The following CHFR variants were observed in gnomAD, a reference collection of about 807,000 sequenced individuals.
The protein encoded by CHFR is checkpoint with forkhead and ring finger domains.
Under a neutral mutation model 87.6 loss-of-function variants are expected in CHFR, and 57 were observed. The ratio of observed to expected loss-of-function variants is 0.65; its 90% CI spans 0.53 to 0.81. The LOEUF (loss-of-function observed/expected upper bound fraction) is 0.81, where lower values mean the gene tolerates loss of function less well. Ranked by LOEUF, CHFR falls within the 30% of genes least tolerant of loss-of-function variation. The probability of loss-of-function intolerance (pLI) is 0.00; values close to 1 mark genes in which losing one functional copy is unlikely to be tolerated. For missense variants in CHFR, 797 were observed against 865.8 expected, an observed-to-expected ratio of 0.92 and a Z score of 1.00; for synonymous variants, 381 against 359.2, an observed-to-expected ratio of 1.06 and a Z score of -0.69.
In CHFR at chr12:132,838,852, C is replaced by G. The variant is rs936955964; in HGVS notation, c.*2702G>C. The stretch of plus-strand genomic sequence containing the variant: ...ATAAAACACAGCTCCTTACCACACC[C>G]GAGGAGTAACTGCCCTGATCTCCCT... On this transcript the variant is annotated 3_prime_UTR_variant, in exon 18 of 18. Transcript: ENST00000450056. The G allele has an allele frequency of 2.6e-5, 4 of 152,380 alleles. No homozygotes were observed. Among genetic ancestry groups the G allele is most frequent in the Non-Finnish European group, 5.9e-5 (4 of 68,148 alleles). The allele number at this position is 152,380 out of a possible 1,614,324, so 9.4% of individuals were successfully genotyped here. A position where few individuals can be genotyped will look rare whatever the true frequency, so the allele number is the denominator to read the frequency against.
At chr12:132,844,451 A>G (rs560413643) in intron 15 of CHFR, among the ~76,000 whole-genome samples, 1 of 130,010 alleles carries the variant, frequency 7.7e-6, no homozygotes, top group Admixed American at 7.6e-5. Flanking sequence ...CACCGGGCTA[A>G]TTTTTTGTAT....
chr12:132,870,121 G>C (rs1455403682), intron 5 of CHFR, among the ~76,000 whole-genome samples: 4 of 152,092 alleles, frequency 2.6e-5, no homozygotes, highest in Non-Finnish European at 5.9e-5. Context: ...GGGAGGCTGA[G>C]GCGGGTAGAT....
At position 132,887,355 on chromosome 12, in the gene CHFR, G is replaced by A; in HGVS notation, c.-12-15C>T. 1 of 1,390,348 alleles carries A rather than the reference G, an allele frequency of 7.2e-7. No homozygotes were observed. Among genetic ancestry groups the A allele is most frequent in the Non-Finnish European group, 9.3e-7 (1 of 1,072,386 alleles). 86.1% of individuals were successfully genotyped at this position (1,390,348 alleles called of 1,614,324 possible). A position where few individuals can be genotyped will look rare whatever the true frequency, so the allele number is the denominator to read the frequency against. ...GGGATTCACATCTGCGGAGACCCCG[G>A]AAACGCCCATGGAGACTCCCGACCC... On this transcript the variant is annotated splice_polypyrimidine_tract_variant and intron_variant, in intron 1 of 17. Coordinates refer to ENST00000450056, the MANE Select transcript of CHFR (RefSeq NM_001161346.2).
chr12:132,857,272 C>T (rs112628569), intron 9 of CHFR, 133 bp downstream of exon 9: 13 of 907,756 alleles, frequency 1.4e-5, no homozygotes, highest in Admixed American at 8.9e-5. Context: ...ACCACCCTCA[C>T]GTGCCCGGGT....
At chr12:132,887,389 G>A (rs910068880) in intron 1 of CHFR, 49 bp from the exon 2 acceptor site, 20 of 1,227,742 alleles carry the variant, frequency 1.6e-5, no homozygotes, top group African/African-American at 3.2e-5. Flanking sequence ...CCCAGAGGCC[G>A]AGACTCGGCG....
intron 3 of CHFR, among the ~76,000 whole-genome samples, chr12:132,873,613 G>A (rs2069778175): frequency 1.4e-5 from 2 of 141,980 alleles, no homozygotes. Context: ...CTGACTTTCT[G>A]TGTCCTCCTG....
intron 10 of CHFR, among the ~76,000 whole-genome samples, chr12:132,856,088 T>C (rs994331738): frequency 6.6e-6 from 1 of 152,102 alleles, no homozygotes; most frequent in African/African-American, 2.4e-5. Context: ...AAAGAATACA[T>C]GTGCTCATGT....
At chr12:132,884,627 G>C (rs893090503) in intron 2 of CHFR, among the ~76,000 whole-genome samples, 2 of 152,042 alleles carry the variant, frequency 1.3e-5, no homozygotes, top group African/African-American at 4.8e-5. Flanking sequence ...AGATGTCACA[G>C]GGCTGGTGCC....
chr12:132,868,061 C>T (rs930719951), intron 6 of CHFR: 3 of 152,150 alleles, frequency 2.0e-5, no homozygotes, highest in Non-Finnish European at 2.9e-5. Flanking sequence ...ATTCCCGTCA[C>T]GCTGCACCCA....
intron 2 of CHFR, among the ~76,000 whole-genome samples, chr12:132,878,009 A>G (rs890345558): frequency 2.4e-4 from 37 of 151,778 alleles, no homozygotes; most frequent in Admixed American, 2.0e-3. Context: ...TCACCATGTT[A>G]GCCAGGATGG....
In CHFR at chr12:132,887,348, G is replaced by C. The variant is rs1419533262; in HGVS notation, c.-12-8C>G. ...CTCCATCGGGATTCACATCTGCGGA[G>C]ACCCCGGAAACGCCCATGGAGACTC... On this transcript the variant is annotated splice_region_variant and splice_polypyrimidine_tract_variant and intron_variant, in intron 1 of 17. Transcript: ENST00000450056. 14 of 1,408,304 alleles carry C rather than the reference G, an allele frequency of 9.9e-6. No individual in the cohort carries two copies. The highest frequency in any genetic ancestry group is 1.5e-5 in the African/African-American group (1 of 66,562). 87.2% of individuals were successfully genotyped at this position (1,408,304 alleles called of 1,614,324 possible). A position where few individuals can be genotyped will look rare whatever the true frequency, so the allele number is the denominator to read the frequency against.
chr12:132,853,335 G>C, intron 11 of CHFR, 96 bp downstream of exon 11: 2 of 1,291,740 alleles, frequency 1.5e-6, no homozygotes, highest in South Asian at 3.5e-5. Context: ...AGTGCAGACA[G>C]GAGGCGGGCA....
intron 2 of CHFR, among the ~76,000 whole-genome samples, chr12:132,883,475 CA>C (rs1377443680): frequency 6.6e-6 from 1 of 151,708 alleles, no homozygotes; most frequent in Non-Finnish European, 1.5e-5. Context: ...CCTCTAATCC[CA>C]GCACTTTGGG....
chr12:132,871,568 T>C (rs1433283279), intron 4 of CHFR, among the ~76,000 whole-genome samples: 2 of 150,938 alleles, frequency 1.3e-5, no homozygotes, highest in African/African-American at 2.4e-5. Context: ...GGTCGGGAGT[T>C]TGAGACCAGC....
chr12:132,859,336 C>A lies in CHFR; in HGVS notation c.752-109G>T, dbSNP rs902249492. Reference sequence around the variant, plus strand: ...AGGGATGTGTTCTAACTGTCGTAACCGAGAAGGAAATACATGCAGTCTTTT... The same window carrying A: ...AGGGATGTGTTCTAACTGTCGTAACAGAGAAGGAAATACATGCAGTCTTTT... On this transcript the variant is annotated intron_variant, in intron 7 of 17. Transcript: ENST00000450056. 9.1e-5 allele frequency: 99 copies of A among 1,087,914 alleles called. No individual in the cohort carries two copies. In the African/African-American group the frequency reaches 1.6e-3, roughly 17 times the overall value. The allele number at this position is 1,087,914 out of a possible 1,614,324, so 67.4% of individuals were successfully genotyped here. A position where few individuals can be genotyped will look rare whatever the true frequency, so the allele number is the denominator to read the frequency against.
At chr12:132,873,557 TGG>T (rs1369396060) in intron 3 of CHFR, among the ~76,000 whole-genome samples, 36 of 151,902 alleles carry the variant, frequency 2.4e-4, no homozygotes, top group Non-Finnish European at 3.7e-4. Context: ...GCTACGGGGC[TGG>T]AGTGCACACG....
chr12:132,855,518 T>C (rs149423120), intron 10 of CHFR, among the ~76,000 whole-genome samples: 681 of 148,520 alleles, frequency 4.6e-3, no homozygotes, highest in Non-Finnish European at 7.4e-3. Context: ...TACAAAAAAA[T>C]TAGCTGGGTG....
chr12:132,844,328 T>C (rs1290918781), intron 15 of CHFR, among the ~76,000 whole-genome samples, 194 bp from the exon 16 acceptor site: 1 of 152,064 alleles, frequency 6.6e-6, no homozygotes, highest in African/African-American at 2.4e-5. Context: ...TCTGTCGCCC[T>C]GGCTGGAGTG....
intron 7 of CHFR, among the ~76,000 whole-genome samples, chr12:132,860,494 C>T (rs534200137): frequency 7.6e-4 from 115 of 152,286 alleles, no homozygotes; most frequent in African/African-American, 2.6e-3. Context: ...TTCCCCACAC[C>T]GATCAACCCC....
Sources: allele counts gnomAD v4.1 joint callset (sites outside exome capture counted in the v4.1 genomes callset), GRCh38; gene constraint gnomAD v4.1.1; transcripts MANE v1.5; gene names NCBI Gene and HGNC (gene_info 2026-07-23, HGNC 2026-07-21).